The following PRKN variants were observed in gnomAD, a reference collection of about 807,000 sequenced individuals.
PRKN encodes the protein parkin RBR E3 ubiquitin protein ligase.
PRKN carries 56 observed loss-of-function variants against 59.5 expected under a neutral mutation model. The ratio of observed to expected loss-of-function variants is 0.94; its 90% CI spans 0.76 to 1.18. The LOEUF is 1.18. Ranked by LOEUF, PRKN falls within the 50% of genes most tolerant of loss-of-function variation. The pLI is 0.00. For missense variants in PRKN, 657 were observed against 596.4 expected, an observed-to-expected ratio of 1.10 and a Z score of -1.06; for synonymous variants, 250 against 222.1, an observed-to-expected ratio of 1.13 and a Z score of -1.12.
intron 6 of PRKN, among the ~76,000 whole-genome samples, chr6:161,898,219 A>G (rs1218768533): frequency 6.6e-6 from 1 of 152,112 alleles, no homozygotes; most frequent in African/African-American, 2.4e-5. Flanking sequence ...TTACAAATGA[A>G]TTTCAATCAG....
At chr6:162,586,773 A>ATC (rs1781077477) in intron 1 of PRKN, among the ~76,000 whole-genome samples, 1 of 152,132 alleles carries the variant, frequency 6.6e-6, no homozygotes, top group Non-Finnish European at 1.5e-5. Flanking sequence ...ACACAGAAAA[A>ATC]GAGAGAGAGA....
intron 2 of PRKN, among the ~76,000 whole-genome samples, chr6:162,388,490 G>A (rs763255315): frequency 6.6e-6 from 1 of 152,190 alleles, no homozygotes; most frequent in Non-Finnish European, 1.5e-5. Context: ...ACACAGCAAG[G>A]TTGAGGGGCA....
chr6:162,475,706 CTATTTATT>C (rs10530995), intron 1 of PRKN, among the ~76,000 whole-genome samples: 15 of 150,896 alleles, frequency 9.9e-5, no homozygotes, highest in South Asian at 6.2e-4. Context: ...CAAAACACCA[CTATTTATT>C]TATTTACGCC....
intron 1 of PRKN, chr6:162,643,863 A>G (rs1428557235): frequency 1.3e-5 from 2 of 152,310 alleles, no homozygotes; most frequent in East Asian, 1.9e-4. Flanking sequence ...GTAGTAATAA[A>G]TTATTCAACT....
rs987070816 is a variant in PRKN, at chr6:161,923,643, CTATATG to C, written c.734+49653_734+49658del. ...TATAATGAATATAACATAGTTATTA[CTATATG>C]TATAACTGTATTGTTATTGTTGCTA... On this transcript the variant is annotated intron_variant, in intron 6 of 11. Transcript: ENST00000366898. Among the ~76,000 whole-genome samples the C allele has an allele frequency of 1.1e-3, 174 of 152,186 alleles. 1 individual carries two copies. The highest frequency in any genetic ancestry group is 4.1e-3 in the African/African-American group (169 of 41,520).
intron 5 of PRKN, among the ~76,000 whole-genome samples, chr6:161,976,960 T>C (rs1781057044): frequency 6.6e-6 from 1 of 152,188 alleles, no homozygotes; most frequent in Non-Finnish European, 1.5e-5. Flanking sequence ...TAGATAATGG[T>C]TTAAGAAATT....
At chr6:161,790,580 C>A (rs145248230) in intron 6 of PRKN, among the ~76,000 whole-genome samples, 1 of 152,100 alleles carries the variant, frequency 6.6e-6, no homozygotes, top group Non-Finnish European at 1.5e-5. Context: ...TTTAAAGAGA[C>A]CCCGGAAAGC....
intron 2 of PRKN, among the ~76,000 whole-genome samples, chr6:162,355,333 G>T (rs1226628966): frequency 6.6e-6 from 1 of 151,266 alleles, no homozygotes; most frequent in Non-Finnish European, 1.5e-5. Flanking sequence ...TTAATTAAGA[G>T]ACTTTTTAAA....
Position 161,740,912 on chromosome 6 carries a change from A to G in PRKN, c.871+44860T>C, listed in dbSNP as rs1297935699. Among the ~76,000 whole-genome samples the G allele has an allele frequency of 2.6e-5, 4 of 152,242 alleles. No homozygotes were observed. In the East Asian group the frequency reaches 5.8e-4, roughly 22 times the overall value. ...TCCAAGGAACAGGTGGGCTTTCCCT[A>G]TGCACAAAATTGTCTCACTCCCTGG... On this transcript the variant is annotated intron_variant, in intron 7 of 11. Coordinates refer to ENST00000366898, the MANE Select transcript of PRKN (RefSeq NM_004562.3).
Position 161,462,633 on chromosome 6 carries a change from T to C in PRKN, c.1084-75756A>G, listed in dbSNP as rs1271451011. Reference sequence around the variant, plus strand: ...TTTGAATGTCTCCCCAGGGTGATCATATTAAAAAAATCAAAATTTAATATG... The same window carrying C: ...TTTGAATGTCTCCCCAGGGTGATCACATTAAAAAAATCAAAATTTAATATG... On this transcript the variant is annotated intron_variant, in intron 9 of 11. Coordinates refer to ENST00000366898, the MANE Select transcript of PRKN (RefSeq NM_004562.3). The surrounding 1 kb of genome is among the most constrained non-coding windows in gnomAD (Gnocchi z 4.5). 6.6e-6 allele frequency among the ~76,000 whole-genome samples: 1 copy of C among 152,188 alleles called. No individual in the cohort carries two copies. The highest frequency in any genetic ancestry group is 1.5e-5 in the Non-Finnish European group (1 of 68,026).
At chr6:162,100,211 C>A (rs1779910323) in intron 4 of PRKN, among the ~76,000 whole-genome samples, 1 of 152,116 alleles carries the variant, frequency 6.6e-6, no homozygotes, top group African/African-American at 2.4e-5. Flanking sequence ...CCTACCTGGG[C>A]TATTGTGAAT....
chr6:162,143,897 G>T (rs1439911031), intron 4 of PRKN, among the ~76,000 whole-genome samples: 1 of 152,142 alleles, frequency 6.6e-6, no homozygotes, highest in African/African-American at 2.4e-5. Flanking sequence ...AGAGATATGA[G>T]TAATTAGATA....
chr6:161,774,351 T>C (rs1789821667), intron 7 of PRKN, among the ~76,000 whole-genome samples: 1 of 149,762 alleles, frequency 6.7e-6, no homozygotes. Context: ...GGCCAGATCC[T>C]GTTTCCTCCC....
rs1456319326 is a variant in PRKN at position 161,469,339 on chromosome 6, A to T, written c.1083+79515T>A. ...GAAGAGGTGCCTTCCGCCATGATGT[A>T]AGTTTCCTGAGGCCTCCCTAGCCAT... On this transcript the variant is annotated intron_variant, in intron 9 of 11. Transcript: ENST00000366898. Among the ~76,000 whole-genome samples the T allele has an allele frequency of 2.0e-5, 3 of 152,142 alleles. No homozygotes were observed. The South Asian group carries it at 6.2e-4, about 31-fold the overall frequency.
At chr6:161,567,027 T>TGTG (rs1341823796) in intron 8 of PRKN, among the ~76,000 whole-genome samples, 1 of 114,804 alleles carries the variant, frequency 8.7e-6, no homozygotes, top group African/African-American at 3.5e-5. Context: ...TCCTTGTTTT[T>TGTG]TTTTTTTTTT....
intron 6 of PRKN, among the ~76,000 whole-genome samples, chr6:161,905,059 C>A (rs993837810): frequency 6.6e-6 from 1 of 152,176 alleles, no homozygotes; most frequent in Non-Finnish European, 1.5e-5. Context: ...TGAATATCCA[C>A]CACGTAAAAT....
In PRKN at chr6:161,362,977, C is replaced by T. The variant is rs1192697467; in HGVS notation, c.1168-2772G>A. Among the ~76,000 whole-genome samples, 1 of 152,234 alleles carries T rather than the reference C, an allele frequency of 6.6e-6. No homozygotes were observed. The highest frequency in any genetic ancestry group is 1.5e-5 in the Non-Finnish European group (1 of 68,044). ...AGAGTACTGGCCAGGCATGGTGGCTCACACCTGTAATCCCAGCACTTTGGG... is the reference window on the plus strand; with the variant it reads ...AGAGTACTGGCCAGGCATGGTGGCTTACACCTGTAATCCCAGCACTTTGGG... On this transcript the variant is annotated intron_variant, in intron 10 of 11. Transcript: ENST00000366898. The surrounding 1 kb of genome is among the most constrained non-coding windows in gnomAD (Gnocchi z 5.2).
chr6:161,391,298 C>T lies in PRKN; in HGVS notation c.1084-4421G>A, dbSNP rs1786493380. Among the ~76,000 whole-genome samples, 1 of 152,034 alleles carries T rather than the reference C, an allele frequency of 6.6e-6. No individual in the cohort carries two copies. Among genetic ancestry groups the T allele is most frequent in the South Asian group, 2.1e-4 (1 of 4,820 alleles). ...CTCCCTTAAGCTGCATAATACCTCT[C>T]CAAACCTTATGAGTCAACATTAACC... is the stretch of plus-strand genomic sequence containing the variant. On this transcript the variant is annotated intron_variant, in intron 9 of 11. Transcript: ENST00000366898. This position sits in a 1 kb window ranked among gnomAD's most constrained non-coding sequence, Gnocchi z 4.9.
At chr6:162,686,123 T>C (rs1779967489) in intron 1 of PRKN, among the ~76,000 whole-genome samples, 1 of 152,134 alleles carries the variant, frequency 6.6e-6, no homozygotes, top group Non-Finnish European at 1.5e-5. Context: ...TTAAACATAA[T>C]ACAAAATGGT....
Sources: allele counts gnomAD v4.1 joint callset (sites outside exome capture counted in the v4.1 genomes callset), GRCh38; gene constraint gnomAD v4.1.1; non-coding constraint Gnocchi (gnomAD v3.1); transcripts MANE v1.5; gene names NCBI Gene and HGNC (gene_info 2026-07-23, HGNC 2026-07-21).